Variants in LCORL observed in about 807,000 individuals in gnomAD.
The protein encoded by LCORL is ligand dependent nuclear receptor corepressor like.
A neutral mutation model predicts 141.8 loss-of-function variants in LCORL; 41 were observed. The ratio of observed to expected loss-of-function variants is 0.29; its 90% CI spans 0.23 to 0.38. The LOEUF is 0.38. Among genes scored for constraint, LCORL ranks in the 10% least tolerant of loss-of-function variants. LCORL has a pLI of 1.00. For synonymous variants in LCORL, 618 were observed against 694.1 expected (o/e 0.89, Z 1.72); for missense variants, 1,759 against 2,035.0 (o/e 0.86, Z 2.61).
At chr4:17,873,946 G>T in exon 7 of LCORL, 1 of 1,233,950 alleles carries the variant, frequency 8.1e-7, no homozygotes, top group Non-Finnish European at 1.0e-6. Flanking sequence ...AAACTAGCAT[G>T]TATTTTGAAG....
rs1553863446 is a variant in LCORL at position 17,897,213 on chromosome 4, C to CCTTTTTTTTTTTTTTTTTTTTTTTTTT, written c.683-11053_683-11052insAAAAAAAAAAAAAAAAAAAAAAAAAAG. ...AGACTTCTCTTTGATATACTGATTT[C>CCTTTTTTTTTTTTTTTTTTTTTTTTTT]TTTTTTTTTTTTTTTTTTTTTTTTT... is the stretch of plus-strand genomic sequence containing the variant. On this transcript the variant is annotated intron_variant, in intron 5 of 7. Coordinates refer to ENST00000635767, the Ensembl canonical transcript of LCORL. 4.4e-4 allele frequency among the ~76,000 whole-genome samples: 28 copies of CCTTTTTTTTTTTTTTTTTTTTTTTTTT among 63,996 alleles called. 14 individuals carry two copies. Among genetic ancestry groups the CCTTTTTTTTTTTTTTTTTTTTTTTTTT allele is most frequent in the East Asian group, 9.8e-4 (2 of 2,050 alleles). 42.0% of individuals were successfully genotyped at this position (63,996 alleles called of 152,430 possible).
intron 2 of LCORL, among the ~76,000 whole-genome samples, chr4:17,967,458 T>G (rs775479243): frequency 2.0e-5 from 3 of 152,162 alleles, no homozygotes; most frequent in Non-Finnish European, 4.4e-5. Context: ...TATGCTAATA[T>G]ACAGGGACCT....
intron 4 of LCORL, 85 bp downstream of exon 4, chr4:17,961,818 A>G (rs1217445705): frequency 2.0e-6 from 2 of 1,023,982 alleles, no homozygotes; most frequent in Non-Finnish European, 2.9e-6. Flanking sequence ...AGAGAGACTG[A>G]CATATAAAAA....
At chr4:17,995,721 A>C (rs1405052292) in intron 1 of LCORL, among the ~76,000 whole-genome samples, 7 of 152,262 alleles carry the variant, frequency 4.6e-5, no homozygotes, top group Middle Eastern at 6.8e-3. Flanking sequence ...CTTCTTAGTT[A>C]CCATTGGGGA....
In LCORL at chr4:18,021,748, C is replaced by T. The variant is rs1725656705; in HGVS notation, c.4G>A (p.Asp2Asn). 4 of 1,495,886 alleles carry T rather than the reference C, an allele frequency of 2.7e-6. No individual in the cohort carries two copies. Among genetic ancestry groups the T allele is most frequent in the African/African-American group, 1.5e-5 (1 of 68,808 alleles). 92.7% of individuals were successfully genotyped at this position (1,495,886 alleles called of 1,614,324 possible). ...GCGGCCATTCTCTCTCTTCCCTTGT[C>T]CATCTGCGTCCCGCGTCACGCGCCC... The change falls in exon 1 of 8, where the codon GAC becomes AAC. Residue 2 changes from aspartate (D) to asparagine (N), a missense_variant. Transcript: ENST00000635767. This position sits in a 1 kb window ranked among gnomAD's most constrained non-coding sequence, Gnocchi z 5.5.
Position 18,021,573 on chromosome 4 carries a change from G to T in LCORL, c.154+25C>A. 1 of 1,508,866 alleles carries T rather than the reference G, an allele frequency of 6.6e-7. No individual in the cohort carries two copies. The highest frequency in any genetic ancestry group is 8.8e-7 in the Non-Finnish European group (1 of 1,129,976). 93.5% of individuals were successfully genotyped at this position (1,508,866 alleles called of 1,614,324 possible). A position where few individuals can be genotyped will look rare whatever the true frequency, so the allele number is the denominator to read the frequency against. ...GACAGCGGTCGCCGCGCGGAGCCCG[G>T]GGCCCCGGCCCGCGTCTCTCTTACC... On this transcript the variant is annotated intron_variant, in intron 1 of 7. Transcript: ENST00000635767. The surrounding 1 kb of genome is among the most constrained non-coding windows in gnomAD (Gnocchi z 5.5).
At chr4:17,982,312 G>C (rs1718156761) in intron 1 of LCORL, among the ~76,000 whole-genome samples, 1 of 152,132 alleles carries the variant, frequency 6.6e-6, no homozygotes. Flanking sequence ...TGGGATTGCT[G>C]GTATGAATGG....
intron 4 of LCORL, among the ~76,000 whole-genome samples, chr4:17,927,970 TAATAA>T (rs904999779): frequency 6.6e-6 from 1 of 152,162 alleles, no homozygotes; most frequent in Admixed American, 6.5e-5. Context: ...AAGCAAAGCA[TAATAA>T]AATAAGGTTT....
At chr4:17,848,894 G>A (rs1346565904) in intron 7 of LCORL, among the ~76,000 whole-genome samples, 6 of 152,230 alleles carry the variant, frequency 3.9e-5, no homozygotes, top group Admixed American at 6.5e-5. Context: ...CACCTGGCTC[G>A]GAGGGTCCTA....
At chr4:17,882,040 G>A in intron 6 of LCORL, 5 of 982,548 alleles carry the variant, frequency 5.1e-6, no homozygotes, top group Non-Finnish European at 6.0e-6. Context: ...AGCTGAAGAG[G>A]GTTAAGTATA....
chr4:17,931,450 TA>T (rs1156980439), intron 4 of LCORL, among the ~76,000 whole-genome samples: 1 of 152,070 alleles, frequency 6.6e-6, no homozygotes, highest in Non-Finnish European at 1.5e-5. Context: ...TGTAAATACA[TA>T]AGGCTGTTGA....
intron 5 of LCORL, among the ~76,000 whole-genome samples, chr4:17,896,845 C>T (rs2109275904): frequency 6.6e-6 from 1 of 152,166 alleles, no homozygotes; most frequent in Non-Finnish European, 1.5e-5. Context: ...TACCCATTAA[C>T]TATCCCCACT....
rs1577775055 is a variant in LCORL, at chr4:18,021,754, G to A, written c.-3C>T. On this transcript the variant is annotated 5_prime_UTR_variant, in exon 1 of 8. Transcript: ENST00000635767. The surrounding 1 kb of genome is among the most constrained non-coding windows in gnomAD (Gnocchi z 5.5). ...ATTCTCTCTCTTCCCTTGTCCATCTGCGTCCCGCGTCACGCGCCCTCATTT... is the reference window on the plus strand; with the variant it reads ...ATTCTCTCTCTTCCCTTGTCCATCTACGTCCCGCGTCACGCGCCCTCATTT... The A allele has an allele frequency of 1.3e-6, 2 of 1,490,902 alleles. No individual in the cohort carries two copies. The highest frequency in any genetic ancestry group is 1.8e-6 in the Non-Finnish European group (2 of 1,125,104). The allele number at this position is 1,490,902 out of a possible 1,614,324, so 92.4% of individuals were successfully genotyped here.
chr4:17,929,228 C>T (rs1020830432), intron 4 of LCORL, among the ~76,000 whole-genome samples: 1 of 152,138 alleles, frequency 6.6e-6, no homozygotes, highest in Non-Finnish European at 1.5e-5. Context: ...ACAGGTTCAA[C>T]AGAATCCCTA....
At chr4:17,847,835 C>T (rs974015609) in intron 7 of LCORL, among the ~76,000 whole-genome samples, 1 of 152,070 alleles carries the variant, frequency 6.6e-6, no homozygotes, top group African/African-American at 2.4e-5. Flanking sequence ...GTTTGATGTA[C>T]ACCTTTTTGA....
At chr4:17,997,198 C>T (rs1022126873) in intron 1 of LCORL, among the ~76,000 whole-genome samples, 14 of 152,164 alleles carry the variant, frequency 9.2e-5, no homozygotes, top group African/African-American at 3.1e-4. Context: ...ACGTAACATA[C>T]GAACAAGTAT....
exon 7 of LCORL, chr4:17,874,040 G>A (rs1296898377): frequency 8.1e-7 from 1 of 1,233,858 alleles, no homozygotes; most frequent in Non-Finnish European, 1.0e-6. Context: ...TTTTTCCTTG[G>A]AGTGGGATGT....
chr4:17,867,668 C>T (rs1159018480), intron 7 of LCORL, among the ~76,000 whole-genome samples: 1 of 152,148 alleles, frequency 6.6e-6, no homozygotes, highest in Non-Finnish European at 1.5e-5. Flanking sequence ...ACTTGAACAT[C>T]TAACACAACA....
intron 6 of LCORL, chr4:17,882,954 T>C: frequency 1.1e-6 from 1 of 912,238 alleles, no homozygotes; most frequent in Non-Finnish European, 1.3e-6. Context: ...TAATTAAATT[T>C]AAATTATTTT....
Sources: gnomAD v4.1 joint callset for allele counts (sites outside exome capture counted in the v4.1 genomes callset) on GRCh38, gnomAD v4.1.1 for gene constraint, Gnocchi (gnomAD v3.1) non-coding constraint, MANE v1.5 for transcripts, NCBI Gene and HGNC (gene_info 2026-07-23, HGNC 2026-07-21) for gene names.